VAV3: variants seen among roughly 807,000 people sequenced by gnomAD.
VAV3 encodes vav guanine nucleotide exchange factor 3, also known as guanine nucleotide exchange factor VAV3.
VAV3 carries 94 observed loss-of-function variants against 131.2 expected under a neutral mutation model. The ratio of observed to expected loss-of-function variants is 0.72; its 90% confidence interval spans 0.61 to 0.85. VAV3 has a LOEUF of 0.85. VAV3 is among the 40% of genes least tolerant of loss of function. VAV3 has a pLI of 0.00. For synonymous variants in VAV3, 349 were observed against 342.0 expected (o/e 1.02, Z -0.22); for missense variants, 939 against 1,002.7 (o/e 0.94, Z 0.86).
chr1:107,682,881 T>C (rs1169777300), intron 19 of VAV3, among the ~76,000 whole-genome samples: 1 of 152,174 alleles, frequency 6.6e-6, no homozygotes, highest in African/African-American at 2.4e-5. Flanking sequence ...AATTAAACTG[T>C]GGAAAGAAGG....
intron 20 of VAV3, among the ~76,000 whole-genome samples, chr1:107,641,456 T>C (rs1655329523): frequency 6.6e-6 from 1 of 152,198 alleles, no homozygotes; most frequent in South Asian, 2.1e-4. Context: ...TTGGGAAATA[T>C]TTCTAACATA....
At chr1:107,875,807 G>A (rs1670468088) in intron 1 of VAV3, among the ~76,000 whole-genome samples, 1 of 152,200 alleles carries the variant, frequency 6.6e-6, no homozygotes, top group South Asian at 2.1e-4. Flanking sequence ...TAAGGCTCTT[G>A]CAATAACCCA....
Position 107,964,919 on chromosome 1 carries a change from G to GGCCGCCGCC in VAV3, c.-59_-51dup, listed in dbSNP as rs71796067. 1.7e-6 allele frequency: 2 copies of GGCCGCCGCC among 1,151,532 alleles called. No homozygotes were observed. Among genetic ancestry groups the GGCCGCCGCC allele is most frequent in the African/African-American group, 3.2e-5 (2 of 62,322 alleles). 71.3% of individuals were successfully genotyped at this position (1,151,532 alleles called of 1,614,324 possible). ...GGGCCGGGGCGGGCGGCAAGGATGC[G>GGCCGCCGCC]GCCGCCGCCGCCGCCGCCGCGGTTC... On this transcript the variant is annotated 5_prime_UTR_variant, in exon 1 of 27. Transcript: ENST00000370056.
chr1:107,711,726 CAG>C (rs1660793606), intron 15 of VAV3, among the ~76,000 whole-genome samples: 1 of 151,276 alleles, frequency 6.6e-6, no homozygotes, highest in African/African-American at 2.4e-5. Flanking sequence ...TTTTTTGAAA[CAG>C]AGTCTTGCTC....
At chr1:107,680,465 T>C (rs992128927) in intron 19 of VAV3, among the ~76,000 whole-genome samples, 7 of 152,200 alleles carry the variant, frequency 4.6e-5, no homozygotes, top group African/African-American at 1.7e-4. Flanking sequence ...AATTAGTTGA[T>C]ATAGTAATTG....
chr1:107,822,879 G>A (rs946325926), intron 2 of VAV3, among the ~76,000 whole-genome samples: 1 of 152,080 alleles, frequency 6.6e-6, no homozygotes, highest in African/African-American at 2.4e-5. Flanking sequence ...CATGTGAAGA[G>A]TGAAGTTAAC....
At chr1:107,824,712 A>C (rs779416698) in intron 2 of VAV3, among the ~76,000 whole-genome samples, 1 of 152,196 alleles carries the variant, frequency 6.6e-6, no homozygotes, top group Non-Finnish European at 1.5e-5. Context: ...CAATATATTA[A>C]TTGTAAAAGG....
At position 107,871,979 on chromosome 1, in the gene VAV3, T is replaced by C. The variant is rs563244819; in HGVS notation, c.321+2922A>G. Among the ~76,000 whole-genome samples the C allele has an allele frequency of 7.2e-5, 11 of 152,296 alleles. No individual in the cohort carries two copies. In the South Asian group the frequency reaches 2.1e-3, roughly 29 times the overall value. On this transcript the variant is annotated intron_variant, in intron 2 of 26. Coordinates refer to ENST00000370056, the MANE Select transcript of VAV3 (RefSeq NM_006113.5). ...CTAAATCTTTCCTTTCTTTCTAAAG[T>C]ATAAGTAGATGCCAAGTAACACATC...
intron 1 of VAV3, among the ~76,000 whole-genome samples, chr1:107,910,504 G>C (rs1571129108): frequency 6.6e-6 from 1 of 152,178 alleles, no homozygotes; most frequent in African/African-American, 2.4e-5. Flanking sequence ...AGTGACAGCT[G>C]ACAGCAAGGG....
chr1:107,796,241 C>T (rs1024833918), intron 2 of VAV3, among the ~76,000 whole-genome samples: 3 of 152,104 alleles, frequency 2.0e-5, no homozygotes, highest in Non-Finnish European at 4.4e-5. Context: ...GGCCAGGTCA[C>T]ATGGTCTCTG....
At chr1:107,799,024 G>C (rs552266525) in intron 2 of VAV3, among the ~76,000 whole-genome samples, 89 of 152,182 alleles carry the variant, frequency 5.8e-4, no homozygotes, top group African/African-American at 2.1e-3. Context: ...ACTTAAAAGT[G>C]ATGAAAGCAC....
chr1:107,679,242 A>G (rs922443644), intron 19 of VAV3, among the ~76,000 whole-genome samples: 2 of 152,196 alleles, frequency 1.3e-5, no homozygotes, highest in African/African-American at 4.8e-5. Context: ...GAATAAGAAA[A>G]GACAGTTTTT....
chr1:107,753,549 T>TACGTATATATATATACACAC (rs1663912480), intron 12 of VAV3, among the ~76,000 whole-genome samples: 2 of 82,052 alleles, frequency 2.4e-5, no homozygotes, highest in South Asian at 6.1e-4. Context: ...TATATATATA[T>TACGTATATATATATACACAC]ACACACACAC....
chr1:107,573,967 C>T lies in VAV3; in HGVS notation c.2502+80G>A, dbSNP rs1483850726. 3 of 1,564,608 alleles carry T rather than the reference C, an allele frequency of 1.9e-6. No individual in the cohort carries two copies. In the Admixed American group the frequency reaches 5.2e-5, roughly 27 times the overall value. On this transcript the variant is annotated intron_variant, in intron 26 of 26. Coordinates refer to ENST00000370056, the MANE Select transcript of VAV3 (RefSeq NM_006113.5). Reference sequence around the variant, plus strand: ...GCTGTAATACAGTATAGAGGCTTCTCCCTGGTGCCACAATGGGTGCAAACA... The same window carrying T: ...GCTGTAATACAGTATAGAGGCTTCTTCCTGGTGCCACAATGGGTGCAAACA...
chr1:107,835,246 T>TCTTGA (rs1485292138), intron 2 of VAV3, among the ~76,000 whole-genome samples: 2 of 152,164 alleles, frequency 1.3e-5, no homozygotes, highest in African/African-American at 2.4e-5. Flanking sequence ...CCAGCCTCAG[T>TCTTGA]GCCTTGCCAT....
Position 107,765,154 on chromosome 1 carries a change from G to T in VAV3, c.843C>A (p.Tyr281Ter). 1 of 1,613,114 alleles carries T rather than the reference G, an allele frequency of 6.2e-7. No individual in the cohort carries two copies. The highest frequency in any genetic ancestry group is 8.5e-7 in the Non-Finnish European group (1 of 1,179,402). Residue 281 changes from tyrosine to a stop codon, truncating the protein, a stop_gained, in exon 9 of 27, where the codon TAC (tyrosine) becomes TAA (stop). Coordinates refer to ENST00000370056, the MANE Select transcript of VAV3 (RefSeq NM_006113.5). LOFTEE classifies it high-confidence loss of function. ...YKERLVIYGQ[Y>*]CSGVESAISS... ...AGATGGCTGACTCCACTCCACTGCA[G>T]TACTGCCCGTAAATAACCAATCTGA...
intron 19 of VAV3, among the ~76,000 whole-genome samples, chr1:107,647,756 C>G (rs1416251883): frequency 1.3e-5 from 2 of 151,992 alleles, no homozygotes; most frequent in Non-Finnish European, 2.9e-5. Context: ...CCTACCACTG[C>G]CAAATTTGCT....
At chr1:107,915,192 G>A (rs1245045514) in intron 1 of VAV3, among the ~76,000 whole-genome samples, 1 of 152,094 alleles carries the variant, frequency 6.6e-6, no homozygotes, top group Non-Finnish European at 1.5e-5. Flanking sequence ...AGTTTCCAAA[G>A]TCAAACAAAA....
rs11185195 is a variant in VAV3 at position 107,884,131 on chromosome 1, G to C, written c.205-9114C>G. 4.0e-3 allele frequency among the ~76,000 whole-genome samples: 596 copies of C among 150,256 alleles called. 5 individuals carry two copies. Among genetic ancestry groups the C allele is most frequent in the African/African-American group, 0.014 (560 of 40,886 alleles). On this transcript the variant is annotated intron_variant, in intron 1 of 26. Coordinates refer to ENST00000370056, the MANE Select transcript of VAV3 (RefSeq NM_006113.5). The stretch of plus-strand genomic sequence containing the variant: ...TAGCTCAAAGCAACCCAGAGATGGG[G>C]CCCAGTTTAAAAAAAAAAAAAAAGT...
Sources: allele counts gnomAD v4.1 joint callset (sites outside exome capture counted in the v4.1 genomes callset), GRCh38; gene constraint gnomAD v4.1.1; transcripts MANE v1.5; gene names NCBI Gene and HGNC (gene_info 2026-07-23, HGNC 2026-07-21).